The following DOCK5 variants were observed in gnomAD, a reference collection of about 807,000 sequenced individuals.
The protein encoded by DOCK5 is dedicator of cytokinesis 5, also known as dedicator of cytokinesis protein 5.
Under a neutral mutation model 251.8 loss-of-function variants are expected in DOCK5, and 142 were observed. The ratio of observed to expected loss-of-function variants is 0.56; its 90% CI spans 0.49 to 0.65. The LOEUF (loss-of-function observed/expected upper bound fraction) is 0.65. Among genes scored for constraint, DOCK5 ranks in the 30% least tolerant of loss-of-function variants. The pLI is 0.00. For missense variants in DOCK5, 2,111 were observed against 2,312.3 expected (o/e 0.91, Z 1.79); for synonymous variants, 842 against 835.5 (o/e 1.01, Z -0.13).
chr8:25,278,481 A>G (rs1804105056), intron 4 of DOCK5, 88 bp from the exon 5 acceptor site: 1 of 1,322,834 alleles, frequency 7.6e-7, no homozygotes, highest in Non-Finnish European at 1.1e-6. Context: ...TTCATTCTCA[A>G]CCTTGAACGT....
rs1489291464 is a variant in DOCK5, at chr8:25,413,632, C to G, written c.*2334C>G. 1 of 152,220 alleles carries G rather than the reference C, an allele frequency of 6.6e-6. No homozygotes were observed. The highest frequency in any genetic ancestry group is 1.5e-5 in the Non-Finnish European group (1 of 68,054). 9.4% of individuals were successfully genotyped at this position (152,220 alleles called of 1,614,324 possible). A position where few individuals can be genotyped will look rare whatever the true frequency, so the allele number is the denominator to read the frequency against. Reference sequence around the variant, plus strand: ...AAAACCAAACCTCAAGGCTATCCTTCCAGAGCAGTAGAAATGAGTCCCACA... The same window carrying G: ...AAAACCAAACCTCAAGGCTATCCTTGCAGAGCAGTAGAAATGAGTCCCACA... On this transcript the variant is annotated 3_prime_UTR_variant, in exon 52 of 52. Transcript: ENST00000276440.
chr8:25,229,665 T>C (rs1206095575), intron 1 of DOCK5, among the ~76,000 whole-genome samples: 1 of 152,164 alleles, frequency 6.6e-6, no homozygotes, highest in African/African-American at 2.4e-5. Flanking sequence ...ATTTGGTTGC[T>C]TACATATATA....
chr8:25,347,996 T>G (rs1056943920), intron 26 of DOCK5, among the ~76,000 whole-genome samples: 5 of 152,224 alleles, frequency 3.3e-5, no homozygotes, highest in Non-Finnish European at 7.4e-5. Flanking sequence ...ATGTTCCCTG[T>G]AATGAGCAGA....
chr8:25,185,687 A>G (rs1024108722), intron 1 of DOCK5, among the ~76,000 whole-genome samples: 1 of 152,066 alleles, frequency 6.6e-6, no homozygotes, highest in African/African-American at 2.4e-5. Context: ...TATTAAGGAA[A>G]CTGTGCCAGA....
intron 51 of DOCK5, among the ~76,000 whole-genome samples, chr8:25,410,922 C>CGAGAGA (rs10652253): frequency 0.073 from 7,044 of 96,948 alleles, 743 homozygotes; most frequent in African/African-American, 0.21. Context: ...GATATGGCAG[C>CGAGAGA]GAGAGAGAGA....
Position 25,377,408 on chromosome 8 carries a change from A to G in DOCK5, c.3920A>G (p.Tyr1307Cys). 3 of 1,613,714 alleles carry G rather than the reference A, an allele frequency of 1.9e-6. No individual in the cohort carries two copies. The highest frequency in any genetic ancestry group is 2.5e-6 in the Non-Finnish European group (3 of 1,179,726). ...AAGCTGTATCAAGAAATCATATCAT[A>G]TTTCGACAAAGGCAAAGTGAGTATT... is the stretch of plus-strand genomic sequence containing the variant. ...KEKLYQEIIS[Y>C]FDKGKMWEKA... is the part of the protein sequence containing the mutation. Residue 1307 changes from tyrosine to cysteine, a missense_variant, in exon 38 of 52, where the codon TAT (tyrosine) becomes TGT (cysteine). Physicochemically the swap from Tyr to Cys is radical, Grantham distance 194. This residue lies in a region of DOCK5 where 1,717 missense variants were observed against 1,892.4 expected (regional missense o/e 0.91). Transcript: ENST00000276440.
At chr8:25,243,652 C>G (rs1273215051) in intron 1 of DOCK5, 22 bp from the exon 2 acceptor site, 1 of 1,608,342 alleles carries the variant, frequency 6.2e-7, no homozygotes, top group Non-Finnish European at 8.5e-7. Context: ...TCTAATTTCC[C>G]TTTTTTATTT....
intron 40 of DOCK5, among the ~76,000 whole-genome samples, chr8:25,384,455 A>ATTTTTTTTTT (rs1294643896): frequency 2.2e-5 from 1 of 45,208 alleles, no homozygotes; most frequent in Non-Finnish European, 4.5e-5. Context: ...TTATTTATTT[A>ATTTTTTTTTT]TTTATTTATT....
chr8:25,336,314 G>T lies in DOCK5; in HGVS notation c.2268G>T (p.Ala756=). Residue 756 remains alanine (A), a synonymous_variant, in exon 22 of 52, where the codon GCG becomes GCT. Transcript: ENST00000276440. ...GCAAGACTGAACTGCTTTTTGCTGC[G>T]TTGAAAGCCTTGAAGTACTTGTTTA... ...DSSKTELLFA[A]LKALKYLFRF... 1 of 1,613,878 alleles carries T rather than the reference G, an allele frequency of 6.2e-7. No homozygotes were observed. The highest frequency in any genetic ancestry group is 8.5e-7 in the Non-Finnish European group (1 of 1,179,830).
At chr8:25,303,797 A>G (rs1170912848) in intron 10 of DOCK5, among the ~76,000 whole-genome samples, 1 of 152,112 alleles carries the variant, frequency 6.6e-6, no homozygotes, top group Non-Finnish European at 1.5e-5. Flanking sequence ...CTCTGTCTAT[A>G]CTAAAAAAAT....
chr8:25,384,070 A>T (rs1367165644), intron 40 of DOCK5, among the ~76,000 whole-genome samples: 2 of 152,264 alleles, frequency 1.3e-5, no homozygotes, highest in Non-Finnish European at 2.9e-5. Flanking sequence ...CAGTGTATCC[A>T]CACAACAGAA....
chr8:25,310,357 T>G (rs756391274), intron 12 of DOCK5, 50 bp from the exon 13 acceptor site: 4 of 1,556,678 alleles, frequency 2.6e-6, no homozygotes, highest in Non-Finnish European at 2.6e-6. Flanking sequence ...TACGCATGTG[T>G]TTTATACATC....
intron 28 of DOCK5, among the ~76,000 whole-genome samples, chr8:25,359,309 A>G (rs553520129): frequency 1.3e-5 from 2 of 152,332 alleles, no homozygotes; most frequent in South Asian, 4.1e-4. Context: ...GGATTTAGAG[A>G]GAGCCCTTAT....
chr8:25,304,326 C>A lies in DOCK5; in HGVS notation c.1048C>A (p.Gln350Lys), dbSNP rs1804844406. 2 of 1,606,642 alleles carry A rather than the reference C, an allele frequency of 1.2e-6. No homozygotes were observed. The highest frequency in any genetic ancestry group is 1.7e-6 in the Non-Finnish European group (2 of 1,176,558). ...EEKQHFIPFQ[Q>K]IAMETYIRQR... Reference sequence around the variant, plus strand: ...AAAGCAGCATTTTATTCCCTTTCAGCAGTAAGTACTTTGGCATGTGTCCCA... The same window carrying A: ...AAAGCAGCATTTTATTCCCTTTCAGAAGTAAGTACTTTGGCATGTGTCCCA... The change falls in exon 11 of 52, where the codon CAA (glutamine) becomes AAA (lysine). Residue 350 changes from glutamine (Q) to lysine (K), a missense_variant and splice_region_variant. Transcript: ENST00000276440.
chr8:25,353,493 T>C (rs754662392), intron 27 of DOCK5, among the ~76,000 whole-genome samples: 1 of 152,196 alleles, frequency 6.6e-6, no homozygotes, highest in Admixed American at 6.5e-5. Context: ...AAGACTAATA[T>C]GGAAATTGGA....
At chr8:25,330,218 A>G (rs1805651902) in intron 18 of DOCK5, among the ~76,000 whole-genome samples, 1 of 152,196 alleles carries the variant, frequency 6.6e-6, no homozygotes, top group Non-Finnish European at 1.5e-5. Context: ...ATGAATGAAT[A>G]TATTAATGAT....
Position 25,184,945 on chromosome 8 carries a change from G to A in DOCK5, c.37G>A (p.Gly13Arg). ...GATCCCGACCAAGAGGCAGAAGTAC[G>A]GGGTTGGTGAGTGCGCGCCCCACCT... The part of the protein sequence containing the change: ...RWIPTKRQKY[G>R]VAIYNYNASQ... The change falls in exon 1 of 52, where the codon GGG (glycine) becomes AGG (arginine). Residue 13 changes from glycine (G) to arginine (R), a missense_variant. Around this residue, in one of 3 missense-constraint regions of DOCK5, gnomAD observed 335 missense variants for 324.9 expected, o/e 1.03. Transcript: ENST00000276440. The A allele has an allele frequency of 7.0e-7, 1 of 1,436,760 alleles. No homozygotes were observed. Among genetic ancestry groups the A allele is most frequent in the Non-Finnish European group, 9.2e-7 (1 of 1,086,324 alleles). The allele number at this position is 1,436,760 out of a possible 1,614,324, so 89.0% of individuals were successfully genotyped here. A position where few individuals can be genotyped will look rare whatever the true frequency, so the allele number is the denominator to read the frequency against.
chr8:25,336,228 A>C lies in DOCK5; in HGVS notation c.2193-11A>C. On this transcript the variant is annotated splice_polypyrimidine_tract_variant and intron_variant, in intron 21 of 51. Transcript: ENST00000276440. ...CTCATTGGCTTAATTTTTCTTTCTC[A>C]TTCTTCTAAGGAAACTCTCCAAGGT... 1.9e-6 allele frequency: 3 copies of C among 1,602,076 alleles called. No individual in the cohort carries two copies. The highest frequency in any genetic ancestry group is 1.7e-6 in the Non-Finnish European group (2 of 1,170,198).
chr8:25,332,570 T>C (rs1368068794), intron 19 of DOCK5, 33 bp from the exon 20 acceptor site: 2 of 1,559,480 alleles, frequency 1.3e-6, no homozygotes, highest in African/African-American at 2.7e-5. Flanking sequence ...AATGAAAGCA[T>C]CAAAATAACC....
Sources: gnomAD v4.1 joint callset for allele counts (sites outside exome capture counted in the v4.1 genomes callset) on GRCh38, gnomAD v4.1.1 for gene constraint, gnomAD v4.1.1 regional missense constraint, MANE v1.5 for transcripts, NCBI Gene and HGNC (gene_info 2026-07-23, HGNC 2026-07-21) for gene names.